Variants in URB1 observed in about 807,000 individuals in gnomAD.
The protein encoded by URB1 is URB1 ribosome biogenesis factor, also known as nucleolar pre-ribosomal-associated protein 1.
A neutral mutation model predicts 242.3 loss-of-function variants in URB1; 197 were observed. The ratio of observed to expected loss-of-function variants is 0.81; its 90% CI spans 0.72 to 0.91. The LOEUF (loss-of-function observed/expected upper bound fraction) is 0.91, where lower values mean the gene tolerates loss of function less well. URB1 is among the 40% of genes least tolerant of loss of function. The probability of loss-of-function intolerance (pLI) is 0.00; values close to 1 mark genes in which losing one functional copy is unlikely to be tolerated. For missense variants in URB1, 2,721 were observed against 2,860.5 expected (o/e 0.95, Z 1.11); for synonymous variants, 1,153 against 1,201.8 (o/e 0.96, Z 0.84).
At chr21:32,367,468 T>C (rs1375566111) in intron 9 of URB1, among the ~76,000 whole-genome samples, 1 of 152,142 alleles carries the variant, frequency 6.6e-6, no homozygotes. Flanking sequence ...TAAAAGCTGG[T>C]TTTATAGATA....
intron 1 of URB1, among the ~76,000 whole-genome samples, chr21:32,386,324 T>C (rs1239671845): frequency 6.6e-6 from 1 of 152,150 alleles, no homozygotes; most frequent in Non-Finnish European, 1.5e-5. Context: ...CCTCTCTGCA[T>C]GTGGATAGAG....
intron 29 of URB1, among the ~76,000 whole-genome samples, 154 bp downstream of exon 29, chr21:32,334,009 G>A (rs1224103336): frequency 6.6e-6 from 1 of 152,102 alleles, no homozygotes; most frequent in Non-Finnish European, 1.5e-5. Context: ...CTGGGCGGTG[G>A]GCTTATGAGG....
intron 26 of URB1, among the ~76,000 whole-genome samples, 183 bp from the exon 27 acceptor site, chr21:32,337,697 C>CT (rs1326260165): frequency 6.6e-6 from 1 of 151,402 alleles, no homozygotes; most frequent in African/African-American, 2.4e-5. Context: ...ATTTTCTTTT[C>CT]TTTTTTTCTT....
Position 32,314,771 on chromosome 21 carries a change from C to T in URB1, c.*147G>A. 1.4e-6 allele frequency: 2 copies of T among 1,442,452 alleles called. No individual in the cohort carries two copies. The allele number at this position is 1,442,452 out of a possible 1,614,324, so 89.4% of individuals were successfully genotyped here. On this transcript the variant is annotated 3_prime_UTR_variant, in exon 39 of 39. Transcript: ENST00000382751. ...GGGCAGTTCAATAAAGTCCTCTCAA[C>T]TTTTCTTGTCAAAGAACTGAGCCAA...
chr21:32,348,897 A>G (rs1055240463), intron 21 of URB1, among the ~76,000 whole-genome samples: 4 of 152,248 alleles, frequency 2.6e-5, no homozygotes, highest in African/African-American at 9.6e-5. Context: ...CTTGGCCCCA[A>G]TTAAACAGCC....
In URB1 at chr21:32,317,667, G is replaced by A. The variant is rs1028148098; in HGVS notation, c.6034+9C>T. The A allele has an allele frequency of 1.3e-6, 2 of 1,551,342 alleles. No homozygotes were observed. Among genetic ancestry groups the A allele is most frequent in the Non-Finnish European group, 1.7e-6 (2 of 1,146,844 alleles). ...CTACTCTGGGCCAGTCCTGGGTTCT[G>A]ACACTCACTCATGAGCTCCCGGGCT... On this transcript the variant is annotated intron_variant, in intron 37 of 38. Transcript: ENST00000382751.
chr21:32,328,276 T>C (rs1335549220), intron 30 of URB1, among the ~76,000 whole-genome samples: 3 of 152,326 alleles, frequency 2.0e-5, no homozygotes, highest in African/African-American at 7.2e-5. Context: ...TAGCTAGGAC[T>C]ACAGGCATGT....
chr21:32,378,215 A>G (rs966712578), intron 5 of URB1, among the ~76,000 whole-genome samples: 3 of 152,164 alleles, frequency 2.0e-5, no homozygotes, highest in African/African-American at 7.2e-5. Flanking sequence ...ATTGTTCAGC[A>G]TTCCAGACGG....
chr21:32,350,372 G>C (rs1223736862), intron 20 of URB1, among the ~76,000 whole-genome samples: 1 of 152,220 alleles, frequency 6.6e-6, no homozygotes, highest in Non-Finnish European at 1.5e-5. Flanking sequence ...CTGAGGTCAA[G>C]GCTGTAGTGA....
chr21:32,374,372 A>C (rs1245515567), intron 6 of URB1, among the ~76,000 whole-genome samples: 1 of 152,136 alleles, frequency 6.6e-6, no homozygotes, highest in African/African-American at 2.4e-5. Context: ...GCCCAGGTAT[A>C]TATATTTCAG....
At position 32,319,361 on chromosome 21, in the gene URB1, C is replaced by T. The variant is rs551265214; in HGVS notation, c.5648G>A (p.Trp1883Ter). The part of the protein sequence containing the change: ...SNVISLLHTL[W>*]VTNLGDKAVE... Reference sequence around the variant, plus strand: ...TGCCTTGTCCCCCAGGTTGGTCACCCACAGTGTGTGTAGCAAGGAGATCAC... The same window carrying T: ...TGCCTTGTCCCCCAGGTTGGTCACCTACAGTGTGTGTAGCAAGGAGATCAC... Residue 1883 changes from tryptophan (W) to a stop codon, truncating the protein, a stop_gained, in exon 36 of 39, where the codon TGG becomes TAG. Coordinates refer to ENST00000382751, the MANE Select transcript of URB1 (RefSeq NM_014825.3). LOFTEE classifies it high-confidence loss of function. 1 of 1,550,514 alleles carries T rather than the reference C, an allele frequency of 6.4e-7. No homozygotes were observed. The highest frequency in any genetic ancestry group is 1.4e-5 in the African/African-American group (1 of 73,110).
chr21:32,344,843 T>C, intron 23 of URB1, 87 bp from the exon 24 acceptor site: 1 of 1,402,664 alleles, frequency 7.1e-7, no homozygotes, highest in Non-Finnish European at 9.5e-7. Flanking sequence ...AAGAGCCATA[T>C]GGGATAGATG....
At chr21:32,351,674 C>T (rs977776895) in intron 19 of URB1, among the ~76,000 whole-genome samples, 7 of 152,228 alleles carry the variant, frequency 4.6e-5, no homozygotes, top group African/African-American at 1.4e-4. Flanking sequence ...TGGGGAATTC[C>T]GACACACCCT....
chr21:32,344,073 T>C (rs983700403), intron 24 of URB1, among the ~76,000 whole-genome samples: 1 of 152,184 alleles, frequency 6.6e-6, no homozygotes. Flanking sequence ...CCAACTTGTT[T>C]TATAAGGCCA....
At chr21:32,346,132 C>T (rs1253057597) in intron 22 of URB1, among the ~76,000 whole-genome samples, 6 of 152,140 alleles carry the variant, frequency 3.9e-5, no homozygotes. Context: ...GAGCCTGCCA[C>T]CTCCTGTGCC....
intron 4 of URB1, among the ~76,000 whole-genome samples, chr21:32,379,883 G>A (rs1250497631): frequency 6.6e-6 from 1 of 151,908 alleles, no homozygotes; most frequent in Non-Finnish European, 1.5e-5. Flanking sequence ...CCAGCTACTC[G>A]GGAGGCTGAG....
At chr21:32,335,283 T>C in intron 28 of URB1, 1 of 153,304 alleles carries the variant, frequency 6.5e-6, no homozygotes. Context: ...TCTGCCCACC[T>C]CACCTCAATT....
rs2033096128 is a variant in URB1, at chr21:32,347,108, T to C, written c.3716A>G (p.Gln1239Arg). Residue 1239 changes from glutamine to arginine, a missense_variant, in exon 22 of 39, where the codon CAG becomes CGG. Transcript: ENST00000382751. ...AALSIAALLL[Q>R]ESCTHLLWFE... The stretch of plus-strand genomic sequence containing the variant: ...CCACAGCAAGTGGGTGCAGCTCTCC[T>C]GGAGGAGCAGGGCAGCGATGCTGAG... 1.9e-6 allele frequency: 3 copies of C among 1,549,788 alleles called. No homozygotes were observed.
At chr21:32,380,896 A>G (rs747893194) in intron 4 of URB1, among the ~76,000 whole-genome samples, 3 of 152,192 alleles carry the variant, frequency 2.0e-5, no homozygotes, top group Non-Finnish European at 2.9e-5. Flanking sequence ...ACATCTTTCT[A>G]TCCTGCTGGT....
Sources: gnomAD v4.1 joint callset for allele counts (sites outside exome capture counted in the v4.1 genomes callset) on GRCh38, gnomAD v4.1.1 for gene constraint, MANE v1.5 for transcripts, NCBI Gene and HGNC (gene_info 2026-07-23, HGNC 2026-07-21) for gene names.